The following ZNF91 variants were observed in gnomAD, a reference collection of about 807,000 sequenced individuals.
The protein encoded by ZNF91 is zinc finger protein 91.
In ZNF91, 7 loss-of-function variants were observed where a neutral mutation model predicts 12.6. That is an observed-to-expected ratio of 0.55 (90% CI 0.31 to 1.04). The LOEUF is 1.04. Ranked by LOEUF, ZNF91 falls within the 50% of genes least tolerant of loss-of-function variation. The pLI is 0.05. For synonymous variants in ZNF91, 453 were observed against 462.6 expected, an observed-to-expected ratio of 0.98 and a Z score of 0.27; for missense variants, 1,217 against 1,385.4, an observed-to-expected ratio of 0.88 and a Z score of 1.93.
intron 3 of ZNF91, among the ~76,000 whole-genome samples, chr19:23,373,195 C>T (rs568094111): frequency 1.5e-4 from 23 of 151,728 alleles, no homozygotes; most frequent in Non-Finnish European, 3.4e-4. Context: ...TTACAGTCAC[C>T]GATGCAAAAC....
At chr19:23,380,725 GCATGAGAAA>G (rs1474655861) in intron 1 of ZNF91, 1 of 152,202 alleles carries the variant, frequency 6.6e-6, no homozygotes, top group African/African-American at 2.4e-5. Context: ...GCTACTCACA[GCATGAGAAA>G]CATGAGTGTT....
chr19:23,332,526 T>C (rs1347918881), intron 1 of ZNF91, among the ~76,000 whole-genome samples: 2 of 152,192 alleles, frequency 1.3e-5, no homozygotes, highest in East Asian at 3.9e-4. Context: ...CTACCTACCA[T>C]AGAGACACGA....
chr19:23,315,445 C>G (rs2145848472), upstream of ZNF91, among the ~76,000 whole-genome samples: 1 of 152,262 alleles, frequency 6.6e-6, no homozygotes, highest in South Asian at 2.1e-4. Flanking sequence ...TTGTGTCAGG[C>G]CCACAGAAGG....
At chr19:23,382,944 A>G (rs754146826) in intron 1 of ZNF91, among the ~76,000 whole-genome samples, 14 of 152,210 alleles carry the variant, frequency 9.2e-5, no homozygotes, top group Non-Finnish European at 2.1e-4. Context: ...TATTATTTCT[A>G]CTAAAACTAT....
chr19:23,309,119 A>C (rs1043557294), intron 1 of ZNF91: 30 of 151,384 alleles, frequency 2.0e-4, no homozygotes, highest in Admixed American at 1.9e-3. Context: ...AAAAAAAAAA[A>C]GGTTATTGTA....
At chr19:23,335,130 C>T (rs1324568441), downstream of ZNF91, among the ~76,000 whole-genome samples, 1 of 152,172 alleles carries the variant, frequency 6.6e-6, no homozygotes, top group Non-Finnish European at 1.5e-5. Context: ...GTAGAGGCTG[C>T]AGAGCAACAG....
intron 1 of ZNF91, among the ~76,000 whole-genome samples, chr19:23,315,921 T>A (rs533698369): frequency 4.9e-4 from 75 of 152,300 alleles, no homozygotes; most frequent in African/African-American, 1.7e-3. Context: ...TGTGTATCCC[T>A]GGATGCAGCA....
At chr19:23,332,514 G>C (rs1231722839) in intron 1 of ZNF91, among the ~76,000 whole-genome samples, 1 of 151,960 alleles carries the variant, frequency 6.6e-6, no homozygotes, top group East Asian at 1.9e-4. Flanking sequence ...ACCCCTGCCG[G>C]ACTACCTACC....
rs1241446060 is a variant in ZNF91, at chr19:23,360,053, T to C, written c.2926A>G (p.Arg976Gly). The change falls in exon 4 of 4, where the codon AGG (arginine) becomes GGG (glycine). Residue 976 changes from arginine (R) to glycine (G), a missense_variant. Physicochemically the swap from Arg to Gly is moderately radical, Grantham distance 125 (BLOSUM62 -2). Transcript: ENST00000300619. ...TGTTCAGTAAGAGTTGAAGATTTCCTAAAAGCTTTGCCACATTCTTCACAT... is the reference window on the plus strand; with the variant it reads ...TGTTCAGTAAGAGTTGAAGATTTCCCAAAAGCTTTGCCACATTCTTCACAT... ...YKCEECGKAF[R>G]KSSTLTEHKI... 1.9e-6 allele frequency: 3 copies of C among 1,613,386 alleles called. No homozygotes were observed. The highest frequency in any genetic ancestry group is 2.5e-6 in the Non-Finnish European group (3 of 1,179,968).
intron 1 of ZNF91, among the ~76,000 whole-genome samples, chr19:23,390,184 C>T (rs928960053): frequency 6.6e-5 from 10 of 152,046 alleles, no homozygotes; most frequent in African/African-American, 1.9e-4. Context: ...GGCATGGTAG[C>T]ACATGCCTGT....
At chr19:23,378,021 G>C (rs1034305274) in intron 1 of ZNF91, among the ~76,000 whole-genome samples, 1 of 152,168 alleles carries the variant, frequency 6.6e-6, no homozygotes, top group African/African-American at 2.4e-5. Flanking sequence ...GAGGGATACA[G>C]ATAGAGTGTA....
chr19:23,318,944 T>G (rs530428512), intron 1 of ZNF91, among the ~76,000 whole-genome samples: 23 of 152,360 alleles, frequency 1.5e-4, no homozygotes, highest in Non-Finnish European at 2.8e-4. Context: ...GTCTGGACTC[T>G]GATCACTGTT....
At chr19:23,345,776 G>T (rs1029505118) in intron 3 of ZNF91, among the ~76,000 whole-genome samples, 1 of 151,918 alleles carries the variant, frequency 6.6e-6, no homozygotes, top group Non-Finnish European at 1.5e-5. Context: ...CATCTTCCCA[G>T]TCAGCAGTAT....
At chr19:23,391,534 A>C (rs1471445988) in intron 1 of ZNF91, among the ~76,000 whole-genome samples, 1 of 152,178 alleles carries the variant, frequency 6.6e-6, no homozygotes, top group African/African-American at 2.4e-5. Context: ...CAATCTTTAA[A>C]AATCTTATAG....
chr19:23,321,646 T>C (rs1163887443), intron 1 of ZNF91, among the ~76,000 whole-genome samples: 1 of 152,064 alleles, frequency 6.6e-6, no homozygotes, highest in African/African-American at 2.4e-5. Flanking sequence ...TCAGAAGGTA[T>C]TGTGACCTAT....
At chr19:23,350,309 T>A (rs549461978) in intron 3 of ZNF91, among the ~76,000 whole-genome samples, 1 of 152,242 alleles carries the variant, frequency 6.6e-6, no homozygotes, top group African/African-American at 2.4e-5. Flanking sequence ...GTTCTCTAAT[T>A]TAGGGGGATT....
downstream of ZNF91, among the ~76,000 whole-genome samples, chr19:23,336,939 T>C (rs896018143): frequency 1.3e-5 from 2 of 152,202 alleles, no homozygotes; most frequent in Non-Finnish European, 2.9e-5. Flanking sequence ...ATAACGTATT[T>C]GTATGTATGA....
At position 23,329,638 on chromosome 19, in the gene ZNF91, A is replaced by G. The variant is rs568129782; in HGVS notation, n.117-20541T>C. 1.2e-4 allele frequency among the ~76,000 whole-genome samples: 19 copies of G among 152,326 alleles called. No homozygotes were observed. The East Asian group carries it at 3.5e-3, about 28-fold the overall frequency. On this transcript the variant is annotated intron_variant and non_coding_transcript_variant, in intron 1 of 1. Coordinates refer to the ZNF91 transcript ENST00000596528. ...TTCACAAAGAGTGAAACTTATTTCC[A>G]CAGAGTATTTGTCTAGCCAGCATTT...
upstream of ZNF91, among the ~76,000 whole-genome samples, chr19:23,310,883 C>T (rs1967459380): frequency 6.6e-6 from 1 of 152,176 alleles, no homozygotes. Flanking sequence ...TTAGCTCTGC[C>T]TTCAAAAGGC....
Sources: allele counts gnomAD v4.1 joint callset (sites outside exome capture counted in the v4.1 genomes callset), GRCh38; gene constraint gnomAD v4.1.1; transcripts MANE v1.5; gene names NCBI Gene and HGNC (gene_info 2026-07-23, HGNC 2026-07-21).